Variants in KIAA0586 observed in about 807,000 individuals in gnomAD.
KIAA0586 encodes the protein KIAA0586.
Under a neutral mutation model 169.8 loss-of-function variants are expected in KIAA0586, and 144 were observed. That is an observed-to-expected ratio of 0.85 (90% CI 0.74 to 0.97). The LOEUF is 0.97. Among genes scored for constraint, KIAA0586 ranks in the 50% least tolerant of loss-of-function variants. The pLI, the probability that KIAA0586 is intolerant of heterozygous loss-of-function variation, is 0.00. For synonymous variants in KIAA0586, 625 were observed against 612.4 expected, an observed-to-expected ratio of 1.02 and a Z score of -0.30; for missense variants, 1,854 against 1,823.0, an observed-to-expected ratio of 1.02 and a Z score of -0.31.
chr14:58,482,113 G>T (rs2042069414), intron 20 of KIAA0586, among the ~76,000 whole-genome samples: 1 of 151,526 alleles, frequency 6.6e-6, no homozygotes, highest in Admixed American at 6.6e-5. Context: ...TGCCCGGCCG[G>T]CATCTCTGAA....
chr14:58,503,016 C>T (rs188032774), intron 27 of KIAA0586, among the ~76,000 whole-genome samples: 2 of 152,154 alleles, frequency 1.3e-5, no homozygotes, highest in African/African-American at 4.8e-5. Context: ...GTCTCCATTC[C>T]TGAGGCTCTC....
At chr14:58,441,143 A>G (rs2038320853) in intron 4 of KIAA0586, 1 of 221,164 alleles carries the variant, frequency 4.5e-6, no homozygotes. Context: ...AGTGGGATAA[A>G]AAATAGTCAC....
rs957467121 is a variant in KIAA0586, at chr14:58,521,899, GA to G, written c.4429+9273del. 8 of 1,331,982 alleles carry G rather than the reference GA, an allele frequency of 6.0e-6. No homozygotes were observed. In the East Asian group the frequency reaches 9.2e-5, roughly 15 times the overall value. 82.5% of individuals were successfully genotyped at this position (1,331,982 alleles called of 1,614,324 possible). On this transcript the variant is annotated intron_variant, in intron 29 of 30. Coordinates refer to ENST00000652326, the MANE Select transcript of KIAA0586 (RefSeq NM_001329943.3). ...GATGATGATGACAATGAAGATGGGG[GA>G]TGACCAGCTGGAGTTGATCAAGGAT...
chr14:58,547,131 A>C (rs761048017), intron 30 of KIAA0586, among the ~76,000 whole-genome samples: 1 of 150,726 alleles, frequency 6.6e-6, no homozygotes, highest in Non-Finnish European at 1.5e-5. Context: ...AATGCCTTTT[A>C]CATGGCTGAT....
intron 22 of KIAA0586, among the ~76,000 whole-genome samples, chr14:58,487,535 G>A (rs2141187826): frequency 6.6e-6 from 1 of 152,060 alleles, no homozygotes; most frequent in Non-Finnish European, 1.5e-5. Context: ...GAACCCGGGA[G>A]GCAGAGGTTG....
rs780758469 is a variant in KIAA0586, at chr14:58,448,448, G to A, written c.916G>A (p.Gly306Ser). The A allele has an allele frequency of 3.3e-5, 53 of 1,612,140 alleles. No individual in the cohort carries two copies. In the South Asian group the frequency reaches 5.7e-4, roughly 17 times the overall value. The change falls in exon 7 of 31, where the codon GGT becomes AGT. Residue 306 changes from glycine to serine, a missense_variant. By Grantham distance (56) the Gly-to-Ser change is moderately conservative. Transcript: ENST00000652326. ...CGTAAAACCAGAACACCCTAATCTT[G>A]GTAGCTGTAATCCATCTTTATATAA... is the stretch of plus-strand genomic sequence containing the variant. ...YSVKPEHPNL[G>S]SCNPSLYNTF...
At chr14:58,450,532 A>G (rs546188137) in intron 7 of KIAA0586, 47 bp from the exon 8 acceptor site, 7 of 1,133,056 alleles carry the variant, frequency 6.2e-6, no homozygotes, top group Non-Finnish European at 9.1e-6. Flanking sequence ...ATAATTTTTA[A>G]AGCTTTTTAA....
intron 8 of KIAA0586, among the ~76,000 whole-genome samples, chr14:58,451,478 C>T (rs1378654680): frequency 6.6e-6 from 1 of 152,090 alleles, no homozygotes; most frequent in Non-Finnish European, 1.5e-5. Flanking sequence ...CTGCCCGCCT[C>T]AGCCTCCCAA....
chr14:58,520,287 A>G lies in KIAA0586; in HGVS notation c.4429+7660A>G, dbSNP rs925617429. Among the ~76,000 whole-genome samples the G allele has an allele frequency of 1.1e-4, 17 of 152,092 alleles. 1 individual carries two copies. ...AGTTGCTGAATTACCATCCCTTTCTAATTCCAGAACATTTTCTTCACCCTA... is the reference window on the plus strand; with the variant it reads ...AGTTGCTGAATTACCATCCCTTTCTGATTCCAGAACATTTTCTTCACCCTA... On this transcript the variant is annotated intron_variant, in intron 29 of 30. Transcript: ENST00000652326.
At chr14:58,484,904 A>ATATATATATT (rs1172767909) in intron 21 of KIAA0586, among the ~76,000 whole-genome samples, 2 of 4,204 alleles carry the variant, frequency 4.8e-4, no homozygotes, top group Non-Finnish European at 3.5e-4. Flanking sequence ...ATATATATAT[A>ATATATATATT]TATATATATA....
chr14:58,526,208 C>T (rs2045573952), intron 29 of KIAA0586, among the ~76,000 whole-genome samples: 1 of 152,212 alleles, frequency 6.6e-6, no homozygotes. Context: ...TCAAGCTTTG[C>T]TAAGGGACAG....
chr14:58,470,535 A>G (rs1488080061), intron 16 of KIAA0586, 78 bp from the exon 17 acceptor site: 20 of 783,560 alleles, frequency 2.6e-5, no homozygotes, highest in Middle Eastern at 2.4e-4. Context: ...ACACACATAT[A>G]CATGTATATA....
In KIAA0586 at chr14:58,548,431, A is replaced by G. The variant is rs1052170732; in HGVS notation, c.*499A>G. 2 of 152,336 alleles carry G rather than the reference A, an allele frequency of 1.3e-5. No individual in the cohort carries two copies. Among genetic ancestry groups the G allele is most frequent in the Admixed American group, 1.3e-4 (2 of 15,276 alleles). The allele number at this position is 152,336 out of a possible 1,614,324, so 9.4% of individuals were successfully genotyped here. A position where few individuals can be genotyped will look rare whatever the true frequency, so the allele number is the denominator to read the frequency against. On this transcript the variant is annotated 3_prime_UTR_variant, in exon 31 of 31. Transcript: ENST00000652326. ...CTTTGAGATGCACTGTTAAAGTGAA[A>G]AAAGCCATGTGCAAAATAGTGTGTG...
upstream of KIAA0586, chr14:58,427,705 T>G: frequency 2.6e-6 from 4 of 1,535,192 alleles, no homozygotes; most frequent in South Asian, 3.6e-5. Flanking sequence ...GGTGTTGACC[T>G]GCGGGCAACT....
chr14:58,469,797 A>G (rs146909182), intron 16 of KIAA0586, among the ~76,000 whole-genome samples: 1,894 of 152,286 alleles, frequency 0.012, 34 homozygotes, highest in African/African-American at 0.043. Context: ...AGCAAACTAA[A>G]TAAGTTTTGC....
chr14:58,531,343 AAAAT>A (rs1291724443), intron 29 of KIAA0586, among the ~76,000 whole-genome samples: 2 of 145,972 alleles, frequency 1.4e-5, no homozygotes, highest in Non-Finnish European at 3.0e-5. Context: ...AAAAAAAAAT[AAAAT>A]AAATAAAAAA....
At position 58,460,019 on chromosome 14, in the gene KIAA0586, T is replaced by C; in HGVS notation, c.1833T>C (p.Asn611=). The C allele has an allele frequency of 6.5e-7, 1 of 1,534,540 alleles. No individual in the cohort carries two copies. Residue 611 remains asparagine, a synonymous_variant, in exon 13 of 31, where the codon AAT becomes AAC. Transcript: ENST00000652326. The part of the protein sequence containing the change: ...SQKQIEEHFR[N]LPMRGMPASS... ...AGCAAATAGAAGAGCATTTTAGAAA[T>C]CTACCTATGAGGGGCATGCCTGCTT...
chr14:58,465,405 A>C (rs1293438279), intron 14 of KIAA0586, among the ~76,000 whole-genome samples: 1 of 152,244 alleles, frequency 6.6e-6, no homozygotes, highest in Non-Finnish European at 1.5e-5. Context: ...CATTGTTGGA[A>C]TATTCTTCAG....
chr14:58,484,896 A>ATATATTTTTATATATATATTTT (rs1555391491), intron 21 of KIAA0586, among the ~76,000 whole-genome samples: 2 of 5,084 alleles, frequency 3.9e-4, no homozygotes, highest in African/African-American at 1.2e-3. Context: ...ATATTTATAT[A>ATATATTTTTATATATATATTTT]TATATATATA....
Sources: allele counts gnomAD v4.1 joint callset (sites outside exome capture counted in the v4.1 genomes callset), GRCh38; gene constraint gnomAD v4.1.1; transcripts MANE v1.5; gene names NCBI Gene and HGNC (gene_info 2026-07-23, HGNC 2026-07-21).